FAM135B: variants seen among roughly 807,000 people sequenced by gnomAD.
FAM135B encodes the protein protein FAM135B.
Under a neutral mutation model 127.7 loss-of-function variants are expected in FAM135B, and 43 were observed. That is an observed-to-expected ratio of 0.34 (90% CI 0.26 to 0.43). The LOEUF is 0.43. Ranked by LOEUF, FAM135B falls within the 20% of genes least tolerant of loss-of-function variation. FAM135B has a pLI of 1.00. For missense variants in FAM135B, 1,558 were observed against 1,725.6 expected, an observed-to-expected ratio of 0.90 and a Z score of 1.72; for synonymous variants, 670 against 665.1, an observed-to-expected ratio of 1.01 and a Z score of -0.11.
intron 1 of FAM135B, among the ~76,000 whole-genome samples, chr8:138,470,646 A>C (rs1340298887): frequency 6.6e-6 from 1 of 152,042 alleles, no homozygotes; most frequent in Non-Finnish European, 1.5e-5. Context: ...AAGGCTGTTT[A>C]ATTAAAACTA....
At chr8:138,302,229 C>T (rs1017514023) in intron 3 of FAM135B, among the ~76,000 whole-genome samples, 4 of 152,076 alleles carry the variant, frequency 2.6e-5, no homozygotes, top group South Asian at 2.1e-4. Context: ...AGTGTGAATG[C>T]GGGCCCAGGC....
intron 2 of FAM135B, among the ~76,000 whole-genome samples, chr8:138,340,581 C>T (rs193202282): frequency 2.3e-4 from 35 of 152,270 alleles, no homozygotes; most frequent in Non-Finnish European, 3.8e-4. Flanking sequence ...GTTCATCATT[C>T]CTGACCTAGG....
chr8:138,168,187 AC>A, intron 11 of FAM135B, 138 bp from the exon 12 acceptor site: 1 of 987,678 alleles, frequency 1.0e-6, no homozygotes, highest in Non-Finnish European at 1.4e-6. Context: ...CTTTTCTTCC[AC>A]CCACCTACTT....
At chr8:138,212,939 T>A (rs1033874155) in intron 7 of FAM135B, among the ~76,000 whole-genome samples, 7 of 152,236 alleles carry the variant, frequency 4.6e-5, no homozygotes, top group South Asian at 4.1e-4. Flanking sequence ...TCCGATTTTT[T>A]AAAAAAAATT....
intron 3 of FAM135B, among the ~76,000 whole-genome samples, chr8:138,305,380 C>T (rs1318145851): frequency 1.3e-5 from 2 of 152,036 alleles, no homozygotes; most frequent in Non-Finnish European, 2.9e-5. Context: ...GATCAGCCCC[C>T]TAAGGGAAAA....
At chr8:138,431,076 A>C (rs776503173) in intron 1 of FAM135B, among the ~76,000 whole-genome samples, 27 of 152,228 alleles carry the variant, frequency 1.8e-4, no homozygotes, top group Non-Finnish European at 3.7e-4. Flanking sequence ...TTACATAGAG[A>C]CAACAGGTAT....
At chr8:138,431,088 C>T (rs989446234) in intron 1 of FAM135B, among the ~76,000 whole-genome samples, 1 of 152,164 alleles carries the variant, frequency 6.6e-6, no homozygotes, top group Non-Finnish European at 1.5e-5. Context: ...AACAGGTATA[C>T]ACCAGAATTT....
intron 7 of FAM135B, among the ~76,000 whole-genome samples, chr8:138,238,330 C>G (rs192069385): frequency 1.4e-4 from 21 of 152,290 alleles, no homozygotes; most frequent in African/African-American, 4.3e-4. Flanking sequence ...CCCTGTGAGC[C>G]AGGCATTAGT....
At chr8:138,219,931 G>T (rs539733365) in intron 7 of FAM135B, among the ~76,000 whole-genome samples, 1 of 152,204 alleles carries the variant, frequency 6.6e-6, no homozygotes, top group East Asian at 1.9e-4. Context: ...TCCTGCCCTG[G>T]ATTATCTCAT....
At chr8:138,211,103 C>A (rs1818108265) in intron 7 of FAM135B, among the ~76,000 whole-genome samples, 1 of 152,186 alleles carries the variant, frequency 6.6e-6, no homozygotes, top group African/African-American at 2.4e-5. Flanking sequence ...TCTCTCTTGG[C>A]TCCTGCAGAA....
Position 138,265,732 on chromosome 8 carries a change from G to A in FAM135B, c.268C>T (p.Arg90Ter). 2 of 1,613,984 alleles carry A rather than the reference G, an allele frequency of 1.2e-6. No individual in the cohort carries two copies. Among genetic ancestry groups the A allele is most frequent in the Non-Finnish European group, 1.7e-6 (2 of 1,179,976 alleles). ...TCACCACCCAAGAGTAAATGAACTC[G>A]GAAGACCACAGCATCATTTATGGGT... ...EVPINDAVVFRVHLLLGGERM... is the reference protein window; with the variant it reads ...EVPINDAVVF The change falls in exon 4 of 20, where the codon CGA (arginine) becomes TGA (stop). Residue 90 changes from arginine to a stop codon, truncating the protein, a stop_gained. Coordinates refer to ENST00000395297, the MANE Select transcript of FAM135B (RefSeq NM_015912.4). LOFTEE classifies it high-confidence loss of function.
chr8:138,430,348 T>C (rs755303980), intron 1 of FAM135B, among the ~76,000 whole-genome samples: 5 of 152,206 alleles, frequency 3.3e-5, no homozygotes, highest in Non-Finnish European at 7.3e-5. Context: ...AATTAGTATG[T>C]ATTTTTAATA....
chr8:138,239,362 T>C (rs1367456675), intron 7 of FAM135B, among the ~76,000 whole-genome samples: 1 of 152,224 alleles, frequency 6.6e-6, no homozygotes, highest in East Asian at 1.9e-4. Flanking sequence ...TGTCTTCTTT[T>C]GAGAAGTGTC....
chr8:138,204,302 C>G (rs1350729181), intron 7 of FAM135B, among the ~76,000 whole-genome samples: 2 of 152,204 alleles, frequency 1.3e-5, no homozygotes, highest in Non-Finnish European at 2.9e-5. Flanking sequence ...CAAATGTCAC[C>G]TCCTCTGTGA....
At chr8:138,351,134 C>T (rs1197522238) in intron 2 of FAM135B, among the ~76,000 whole-genome samples, 47 of 152,122 alleles carry the variant, frequency 3.1e-4, no homozygotes, top group Non-Finnish European at 4.4e-5. Flanking sequence ...AATTGTGTTC[C>T]CTCTACACAA....
rs549053951 is a variant in FAM135B at position 138,414,311 on chromosome 8, G to A, written c.-19-46309C>T. On this transcript the variant is annotated intron_variant, in intron 1 of 19. Coordinates refer to ENST00000395297, the MANE Select transcript of FAM135B (RefSeq NM_015912.4). Reference sequence around the variant, plus strand: ...TCATCCATACAACTGAACCATATGTGCCTGCATGACCTTGTACAAAGGATG... The same window carrying A: ...TCATCCATACAACTGAACCATATGTACCTGCATGACCTTGTACAAAGGATG... 1.8e-3 allele frequency among the ~76,000 whole-genome samples: 277 copies of A among 152,020 alleles called. 2 individuals are homozygous for A. Among genetic ancestry groups the A allele is most frequent in the Non-Finnish European group, 1.8e-3 (123 of 67,978 alleles).
intron 1 of FAM135B, among the ~76,000 whole-genome samples, chr8:138,411,402 A>G (rs889288503): frequency 6.6e-6 from 1 of 152,182 alleles, no homozygotes; most frequent in Admixed American, 6.5e-5. Flanking sequence ...TCCCTATTTA[A>G]TAAATGGTGC....
At chr8:138,134,678 A>C (rs1816482589) in intron 19 of FAM135B, among the ~76,000 whole-genome samples, 1 of 152,106 alleles carries the variant, frequency 6.6e-6, no homozygotes, top group African/African-American at 2.4e-5. Flanking sequence ...AAATATTGGT[A>C]CTTCTTCCAG....
At chr8:138,309,858 CTTTTTTTTTTT>C (rs145453026) in intron 3 of FAM135B, among the ~76,000 whole-genome samples, 5 of 86,788 alleles carry the variant, frequency 5.8e-5, no homozygotes, top group African/African-American at 1.8e-4. Context: ...AGTCTTTCTA[CTTTTTTTTTTT>C]TTTTTTTTTT....
Sources: gnomAD v4.1 joint callset for allele counts (sites outside exome capture counted in the v4.1 genomes callset) on GRCh38, gnomAD v4.1.1 for gene constraint, MANE v1.5 for transcripts, NCBI Gene and HGNC (gene_info 2026-07-23, HGNC 2026-07-21) for gene names.